VAV1: variants seen among roughly 807,000 people sequenced by gnomAD.
VAV1 encodes vav guanine nucleotide exchange factor 1.
A neutral mutation model predicts 128.1 loss-of-function variants in VAV1; 33 were observed. The observed-to-expected ratio is 0.26, with a 90% CI of 0.20 to 0.34. The LOEUF (loss-of-function observed/expected upper bound fraction) is 0.34, where lower values mean the gene tolerates loss of function less well. Ranked by LOEUF, VAV1 falls within the 10% of genes least tolerant of loss-of-function variation. The probability of loss-of-function intolerance (pLI) is 1.00; values close to 1 mark genes in which losing one functional copy is unlikely to be tolerated. For missense variants in VAV1, 715 were observed against 1,093.7 expected, an observed-to-expected ratio of 0.65 and a Z score of 4.88; for synonymous variants, 394 against 409.8, an observed-to-expected ratio of 0.96 and a Z score of 0.47.
chr19:6,852,937 A>C (rs1972704722), intron 24 of VAV1, 28 bp from the exon 25 acceptor site: 2 of 1,590,326 alleles, frequency 1.3e-6, no homozygotes, highest in Admixed American at 3.4e-5. Context: ...CCGCTGGGAT[A>C]GCATCTGCCA....
chr19:6,835,080 G>A (rs1366518554), intron 19 of VAV1, among the ~76,000 whole-genome samples: 1 of 151,820 alleles, frequency 6.6e-6, no homozygotes, highest in African/African-American at 2.4e-5. Flanking sequence ...ATCTATGAAT[G>A]GGTATGTTTT....
At chr19:6,815,569 T>C (rs1047980682) in intron 1 of VAV1, among the ~76,000 whole-genome samples, 2 of 152,194 alleles carry the variant, frequency 1.3e-5, no homozygotes, top group Non-Finnish European at 2.9e-5. Flanking sequence ...GTGGCAGCAA[T>C]TGAGAAGATG....
At chr19:6,776,007 C>G (rs1408366786) in intron 1 of VAV1, among the ~76,000 whole-genome samples, 5 of 152,008 alleles carry the variant, frequency 3.3e-5, no homozygotes, top group Non-Finnish European at 5.9e-5. Flanking sequence ...CGTTCATCCA[C>G]CCATCCACTC....
intron 14 of VAV1, 123 bp from the exon 15 acceptor site, chr19:6,831,968 G>A: frequency 2.8e-6 from 2 of 707,808 alleles, no homozygotes; most frequent in Non-Finnish European, 4.7e-6. Context: ...ATCCATGCAT[G>A]GTGCTAGGGG....
intron 1 of VAV1, among the ~76,000 whole-genome samples, chr19:6,780,259 C>G (rs1599615192): frequency 6.7e-6 from 1 of 150,156 alleles, no homozygotes; most frequent in East Asian, 1.9e-4. Context: ...AATGAGGATG[C>G]TAAATCCCTA....
At chr19:6,815,735 C>T (rs1049398577) in intron 1 of VAV1, among the ~76,000 whole-genome samples, 27 of 152,166 alleles carry the variant, frequency 1.8e-4, no homozygotes, top group African/African-American at 6.5e-4. Flanking sequence ...ACCTCAGTTT[C>T]CTTCTCTGTA....
intron 1 of VAV1, among the ~76,000 whole-genome samples, chr19:6,801,882 G>T (rs2144732242): frequency 6.6e-6 from 1 of 152,256 alleles, no homozygotes; most frequent in Middle Eastern, 3.4e-3. Flanking sequence ...CTGGCAAATG[G>T]GGAAGAATGA....
At chr19:6,784,455 C>T (rs1259524577) in intron 1 of VAV1, among the ~76,000 whole-genome samples, 2 of 150,752 alleles carry the variant, frequency 1.3e-5, no homozygotes, top group Non-Finnish European at 3.0e-5. Context: ...CTAGGAGGGT[C>T]AGCACTTGGC....
intron 26 of VAV1, among the ~76,000 whole-genome samples, chr19:6,856,202 CAGG>C (rs1379735408): frequency 6.6e-6 from 1 of 151,962 alleles, no homozygotes; most frequent in Non-Finnish European, 1.5e-5. Context: ...TAAGCTGAGG[CAGG>C]AGAATCGCTT....
chr19:6,832,653 TTCC>T lies in VAV1; in HGVS notation c.1508+468_1508+470del, dbSNP rs151222361. Reference sequence around the variant, plus strand: ...CCTCCTCCTCCCTTTCCTCCCCTTCTTCCTCCTCCTCCTCCTCTTCCTCCTCTT... The same window carrying T: ...CCTCCTCCTCCCTTTCCTCCCCTTCTTCCTCCTCCTCCTCTTCCTCCTCTT... On this transcript the variant is annotated intron_variant, in intron 15 of 26. Coordinates refer to ENST00000602142, the MANE Select transcript of VAV1 (RefSeq NM_005428.4). Among the ~76,000 whole-genome samples the T allele has an allele frequency of 1.4e-3, 173 of 119,750 alleles. 2 individuals are homozygous for T. The Middle Eastern group carries it at 0.025, about 17-fold the overall frequency. The allele number at this position is 119,750 out of a possible 152,430, so 78.6% of individuals were successfully genotyped here.
intron 1 of VAV1, among the ~76,000 whole-genome samples, chr19:6,776,780 C>T (rs545731608): frequency 1.1e-4 from 16 of 148,484 alleles, no homozygotes; most frequent in African/African-American, 3.4e-4. Flanking sequence ...TATTTATTTA[C>T]GGCGTCTCAC....
intron 1 of VAV1, among the ~76,000 whole-genome samples, chr19:6,775,773 G>A (rs1970606226): frequency 2.0e-5 from 3 of 152,134 alleles, no homozygotes; most frequent in Admixed American, 6.6e-5. Flanking sequence ...TGGGTTTCTG[G>A]GTGCCTAACT....
At chr19:6,798,954 T>G (rs959451445) in intron 1 of VAV1, among the ~76,000 whole-genome samples, 3 of 116,788 alleles carry the variant, frequency 2.6e-5, no homozygotes, top group African/African-American at 1.0e-4. Flanking sequence ...TCGTACCTCC[T>G]GATTTGCTGT....
intron 1 of VAV1, among the ~76,000 whole-genome samples, chr19:6,778,612 G>T (rs1280438120): frequency 6.6e-6 from 1 of 152,192 alleles, no homozygotes; most frequent in African/African-American, 2.4e-5. Flanking sequence ...GCTCACGCCT[G>T]TGGTCCCAGC....
At chr19:6,834,701 G>A (rs1009683402) in intron 19 of VAV1, among the ~76,000 whole-genome samples, 3 of 143,064 alleles carry the variant, frequency 2.1e-5, no homozygotes, top group African/African-American at 7.7e-5. Context: ...TATATTATAT[G>A]TATATATAAT....
chr19:6,816,058 C>T lies in VAV1; in HGVS notation c.205-4644C>T, dbSNP rs375959099. The stretch of plus-strand genomic sequence containing the variant: ...TTTTTGAGACGGAGTCTCGCTCTGT[C>T]GCCCAGGCTGGAGTGCAGTGGCGCA... On this transcript the variant is annotated intron_variant, in intron 1 of 26. Coordinates refer to ENST00000602142, the MANE Select transcript of VAV1 (RefSeq NM_005428.4). 1.8e-4 allele frequency among the ~76,000 whole-genome samples: 26 copies of T among 142,520 alleles called. No individual in the cohort carries two copies. In the East Asian group the frequency reaches 3.4e-3, roughly 19 times the overall value. The allele number at this position is 142,520 out of a possible 152,430, so 93.5% of individuals were successfully genotyped here.
intron 1 of VAV1, among the ~76,000 whole-genome samples, chr19:6,789,555 CCTTTCTTTTCTGTTCTG>C (rs1424493793): frequency 4.1e-5 from 6 of 146,278 alleles, no homozygotes; most frequent in Admixed American, 6.8e-5. Flanking sequence ...CCGGCTCTTT[CCTTTCTTTTCTGTTCTG>C]CTTTCTTTTC....
intron 1 of VAV1, among the ~76,000 whole-genome samples, chr19:6,811,734 G>A (rs1047721393): frequency 6.6e-6 from 1 of 152,164 alleles, no homozygotes; most frequent in Non-Finnish European, 1.5e-5. Context: ...CTGAGGATCA[G>A]ACAGACACAT....
At chr19:6,809,343 T>C (rs1332789800) in intron 1 of VAV1, among the ~76,000 whole-genome samples, 2 of 152,104 alleles carry the variant, frequency 1.3e-5, no homozygotes, top group Admixed American at 6.6e-5. Flanking sequence ...CTCCCAATCA[T>C]GTCTTGGGGT....
Sources: allele counts gnomAD v4.1 joint callset (sites outside exome capture counted in the v4.1 genomes callset), GRCh38; gene constraint gnomAD v4.1.1; transcripts MANE v1.5; gene names NCBI Gene and HGNC (gene_info 2026-07-23, HGNC 2026-07-21).